The following DNAJC5 variants were observed in gnomAD, a reference collection of about 807,000 sequenced individuals.
DNAJC5 encodes dnaJ homolog subfamily C member 5.
Under a neutral mutation model 23.2 loss-of-function variants are expected in DNAJC5, and 1 was observed. The ratio of observed to expected loss-of-function variants is 0.04; its 90% CI spans 0.02 to 0.20. DNAJC5 has a LOEUF of 0.20. DNAJC5 is among the 10% of genes least tolerant of loss of function. DNAJC5 has a pLI of 1.00. For missense variants in DNAJC5, 180 were observed against 267.0 expected, an observed-to-expected ratio of 0.67 and a Z score of 2.27; for synonymous variants, 136 against 120.0, an observed-to-expected ratio of 1.13 and a Z score of -0.87.
chr20:63,909,872 C>T (rs1432386140), intron 1 of DNAJC5, among the ~76,000 whole-genome samples: 2 of 152,322 alleles, frequency 1.3e-5, no homozygotes, highest in East Asian at 3.9e-4. Flanking sequence ...CAGAATCCTG[C>T]GGATTTAGTA....
chr20:63,925,548 G>C (rs530719490), intron 1 of DNAJC5, among the ~76,000 whole-genome samples: 2 of 152,040 alleles, frequency 1.3e-5, no homozygotes, highest in Non-Finnish European at 2.9e-5. Flanking sequence ...TCAATCAGAG[G>C]AAAGTGTGGC....
chr20:63,900,849 G>C (rs1396032088), intron 1 of DNAJC5, among the ~76,000 whole-genome samples: 1 of 152,206 alleles, frequency 6.6e-6, no homozygotes, highest in East Asian at 1.9e-4. Context: ...TTTTTCATGG[G>C]TTTATAATTG....
chr20:63,918,354 G>GA (rs907810241), intron 1 of DNAJC5, among the ~76,000 whole-genome samples: 19 of 149,242 alleles, frequency 1.3e-4, no homozygotes, highest in South Asian at 6.3e-4. Flanking sequence ...TGTCTCAAAG[G>GA]AAAAAAAAAG....
chr20:63,907,845 A>G (rs1279509789), intron 1 of DNAJC5, among the ~76,000 whole-genome samples: 3 of 152,120 alleles, frequency 2.0e-5, no homozygotes, highest in Non-Finnish European at 4.4e-5. Context: ...GGCTCATTGC[A>G]TCCTCTGCCT....
intron 1 of DNAJC5, among the ~76,000 whole-genome samples, chr20:63,910,932 G>C (rs1047298885): frequency 2.6e-5 from 4 of 152,172 alleles, no homozygotes; most frequent in Non-Finnish European, 5.9e-5. Flanking sequence ...GCCTCCCAAA[G>C]TACTGGGATT....
chr20:63,916,980 C>T (rs1422583026), intron 1 of DNAJC5, among the ~76,000 whole-genome samples: 1 of 152,134 alleles, frequency 6.6e-6, no homozygotes, highest in African/African-American at 2.4e-5. Flanking sequence ...TCAAGGTGTA[C>T]TGATTTCATA....
At position 63,928,420 on chromosome 20, in the gene DNAJC5, C is replaced by G; in HGVS notation, c.75C>G (p.Asn25Lys). 1 of 1,614,076 alleles carries G rather than the reference C, an allele frequency of 6.2e-7. No individual in the cohort carries two copies. The highest frequency in any genetic ancestry group is 8.5e-7 in the Non-Finnish European group (1 of 1,180,038). Reference sequence around the variant, plus strand: ...ACCACGTCCTTGGGTTGGACAAGAACGCAACCTCAGATGACATTAAAAAGT... The same window carrying G: ...ACCACGTCCTTGGGTTGGACAAGAAGGCAACCTCAGATGACATTAAAAAGT... ...SLYHVLGLDK[N>K]ATSDDIKKSY... The change falls in exon 2 of 5, where the codon AAC becomes AAG. Residue 25 changes from asparagine (N) to lysine (K), a missense_variant. By Grantham distance (94) the Asn-to-Lys change is moderately conservative. This residue lies in a region of DNAJC5 where 77 missense variants were observed against 106.8 expected (regional missense o/e 0.72). Transcript: ENST00000360864. The surrounding 1 kb of genome is among the most constrained non-coding windows in gnomAD (Gnocchi z 4.6).
intron 1 of DNAJC5, among the ~76,000 whole-genome samples, chr20:63,916,884 G>A (rs2053518730): frequency 1.3e-5 from 2 of 152,156 alleles, no homozygotes; most frequent in South Asian, 4.1e-4. Context: ...GAAAAATATG[G>A]CTGTATTTTG....
chr20:63,913,157 C>T (rs137873482), intron 1 of DNAJC5, among the ~76,000 whole-genome samples: 39 of 79,968 alleles, frequency 4.9e-4, no homozygotes, highest in African/African-American at 3.3e-3. Flanking sequence ...GTGTCATGCC[C>T]GTTTGCTGAC....
At chr20:63,906,921 G>C (rs1016598882) in intron 1 of DNAJC5, among the ~76,000 whole-genome samples, 2 of 152,076 alleles carry the variant, frequency 1.3e-5, no homozygotes, top group African/African-American at 4.8e-5. Context: ...GGGCAACTTA[G>C]GGAGATCCTG....
chr20:63,896,180 C>T (rs765846153), intron 1 of DNAJC5, among the ~76,000 whole-genome samples: 7 of 152,204 alleles, frequency 4.6e-5, no homozygotes. Context: ...ATTGCTCCCA[C>T]TATTGTCATG....
chr20:63,896,955 C>T (rs2053379583), intron 1 of DNAJC5, among the ~76,000 whole-genome samples: 1 of 151,998 alleles, frequency 6.6e-6, no homozygotes, highest in Middle Eastern at 3.2e-3. Flanking sequence ...GAGTGTTGGC[C>T]CTCAGGACAG....
At chr20:63,918,967 C>T (rs1234561522) in intron 1 of DNAJC5, among the ~76,000 whole-genome samples, 1 of 152,176 alleles carries the variant, frequency 6.6e-6, no homozygotes, top group Non-Finnish European at 1.5e-5. Context: ...CAAAAATAGA[C>T]TTCCTTTTAA....
chr20:63,930,815 C>G, intron 3 of DNAJC5, 36 bp from the exon 4 acceptor site: 1 of 1,610,744 alleles, frequency 6.2e-7, no homozygotes, highest in Non-Finnish European at 8.5e-7. Context: ...CCAGGGGCCT[C>G]GGAGGCCATG....
chr20:63,918,927 A>T (rs566697807), intron 1 of DNAJC5, among the ~76,000 whole-genome samples: 6 of 152,236 alleles, frequency 3.9e-5, no homozygotes, highest in Non-Finnish European at 7.3e-5. Context: ...TGTATTTCAC[A>T]TAATACATAG....
intron 1 of DNAJC5, among the ~76,000 whole-genome samples, chr20:63,898,260 G>T (rs974477788): frequency 2.4e-4 from 36 of 152,338 alleles, no homozygotes; most frequent in African/African-American, 8.4e-4. Flanking sequence ...TGACTAAAAT[G>T]CAGTGGGGCG....
rs933869491 is a variant in DNAJC5 at position 63,911,147 on chromosome 20, C to G, written c.-12+15824C>G. On this transcript the variant is annotated intron_variant, in intron 1 of 4. Coordinates refer to ENST00000360864, the MANE Select transcript of DNAJC5 (RefSeq NM_025219.3). ...ATGCAGCAAACATTCACTGAATGCT[C>G]TATTAGGACCTGGGGCAGTAGATGA... Among the ~76,000 whole-genome samples the G allele has an allele frequency of 7.2e-5, 11 of 152,164 alleles. 1 individual carries two copies. Among genetic ancestry groups the G allele is most frequent in the Admixed American group, 3.9e-4 (6 of 15,256 alleles).
chr20:63,931,232 G>A lies in DNAJC5; in HGVS notation c.493+210G>A. Reference sequence around the variant, plus strand: ...CCCGCCGTGACCTGCGGTAGCCGTAGATCCCAGGGACTGCGAGGCGGGGCA... The same window carrying A: ...CCCGCCGTGACCTGCGGTAGCCGTAAATCCCAGGGACTGCGAGGCGGGGCA... On this transcript the variant is annotated intron_variant, in intron 4 of 4. Transcript: ENST00000360864. This position sits in a 1 kb window ranked among gnomAD's most constrained non-coding sequence, Gnocchi z 9.6. 1.3e-6 allele frequency: 1 copy of A among 790,394 alleles called. No individual in the cohort carries two copies. The highest frequency in any genetic ancestry group is 2.1e-6 in the Non-Finnish European group (1 of 466,980). 49.0% of individuals were successfully genotyped at this position (790,394 alleles called of 1,614,324 possible).
At chr20:63,914,517 C>T (rs563081703) in intron 1 of DNAJC5, among the ~76,000 whole-genome samples, 123 of 151,992 alleles carry the variant, frequency 8.1e-4, no homozygotes, top group Admixed American at 1.5e-3. Context: ...CGGGGTTTCA[C>T]GACGTTACCC....
Sources: gnomAD v4.1 joint callset for allele counts (sites outside exome capture counted in the v4.1 genomes callset) on GRCh38, gnomAD v4.1.1 for gene constraint, gnomAD v4.1.1 regional missense constraint, Gnocchi (gnomAD v3.1) non-coding constraint, MANE v1.5 for transcripts, NCBI Gene and HGNC (gene_info 2026-07-23, HGNC 2026-07-21) for gene names.